HLA-DQA2: variants seen among roughly 807,000 people sequenced by gnomAD.
The protein encoded by HLA-DQA2 is HLA class II histocompatibility antigen, DQ alpha 2 chain.
In HLA-DQA2, 17 loss-of-function variants were observed where a neutral mutation model predicts 21.0. That is an observed-to-expected ratio of 0.81 (90% CI 0.56 to 1.22). The LOEUF (loss-of-function observed/expected upper bound fraction) is 1.22, where lower values mean the gene tolerates loss of function less well. Among genes scored for constraint, HLA-DQA2 ranks in the 50% most tolerant of loss-of-function variants. The pLI is 0.00. For missense variants in HLA-DQA2, 239 were observed against 308.8 expected (o/e 0.77, Z 1.69); for synonymous variants, 81 against 116.5 (o/e 0.70, Z 1.96).
At chr6:32,744,621 G>C (rs1763434137) in intron 1 of HLA-DQA2, among the ~76,000 whole-genome samples, 1 of 150,982 alleles carries the variant, frequency 6.6e-6, no homozygotes, top group African/African-American at 2.4e-5. Flanking sequence ...CCCTATAATT[G>C]TTAGAAGAAA....
At chr6:32,743,144 C>T (rs1449308098) in intron 1 of HLA-DQA2, among the ~76,000 whole-genome samples, 6 of 145,694 alleles carry the variant, frequency 4.1e-5, no homozygotes, top group African/African-American at 1.3e-4. Flanking sequence ...GGATTACAGG[C>T]GTGATCCACC....
chr6:32,745,581 T>G (rs534156426), intron 2 of HLA-DQA2, among the ~76,000 whole-genome samples, 174 bp downstream of exon 2: 1 of 138,266 alleles, frequency 7.2e-6, no homozygotes, highest in African/African-American at 2.6e-5. Flanking sequence ...CCATTATGTA[T>G]TAATTCCTAC....
rs1763658960 is a variant in HLA-DQA2, at chr6:32,747,183, C to CAAAAAACAAAAAAAAAAAA, written c.*628_*629insCAAAAAAAAAAAAAAAAAA. 1 of 126,110 alleles carries CAAAAAACAAAAAAAAAAAA rather than the reference C, an allele frequency of 7.9e-6. No homozygotes were observed. Among genetic ancestry groups the CAAAAAACAAAAAAAAAAAA allele is most frequent in the African/African-American group, 3.3e-5 (1 of 30,556 alleles). The allele number at this position is 126,110 out of a possible 1,614,324, so 7.8% of individuals were successfully genotyped here. A position where few individuals can be genotyped will look rare whatever the true frequency, so the allele number is the denominator to read the frequency against. Reference sequence around the variant, plus strand: ...GCTCAGAATGGTTATAGCAGAAATACAAAAAAAAAAAAAAAGTCTGTACTA... The same window carrying CAAAAAACAAAAAAAAAAAA: ...GCTCAGAATGGTTATAGCAGAAATACAAAAAACAAAAAAAAAAAAAAAAAAAAAAAAAAAGTCTGTACTA... On this transcript the variant is annotated 3_prime_UTR_variant, in exon 5 of 5. Coordinates refer to ENST00000374940, the MANE Select transcript of HLA-DQA2 (RefSeq NM_020056.5).
At chr6:32,743,214 C>T (rs1763337259) in intron 1 of HLA-DQA2, among the ~76,000 whole-genome samples, 1 of 152,038 alleles carries the variant, frequency 6.6e-6, no homozygotes, top group African/African-American at 2.4e-5. Context: ...CCAATACAAT[C>T]AGAAGCTGTA....
chr6:32,746,955 C>T lies in HLA-DQA2; in HGVS notation c.*394C>T, dbSNP rs9272945. ...GACTGAGAGCATAACTTAGAATGGG[C>T]GACTCTTATGTTTTAGGCCAATTTC... On this transcript the variant is annotated 3_prime_UTR_variant, in exon 5 of 5. Coordinates refer to ENST00000374940, the MANE Select transcript of HLA-DQA2 (RefSeq NM_020056.5). 157,180 of 290,516 alleles carry T rather than the reference C, an allele frequency of 0.54. 43,494 individuals carry two copies. The highest frequency in any genetic ancestry group is 0.82 in the East Asian group (10,196 of 12,414). 18.0% of individuals were successfully genotyped at this position (290,516 alleles called of 1,614,324 possible). A position where few individuals can be genotyped will look rare whatever the true frequency, so the allele number is the denominator to read the frequency against.
Position 32,741,491 on chromosome 6 carries a change from C to A in HLA-DQA2, c.48C>A (p.Ala16=), listed in dbSNP as rs144953122. 1 of 1,614,086 alleles carries A rather than the reference C, an allele frequency of 6.2e-7. No individual in the cohort carries two copies. ...ALLLGALALT[A]VMSPCGGEDI... The stretch of plus-strand genomic sequence containing the variant: ...TGCTGGGGGCCCTCGCCCTGACTGC[C>A]GTGATGAGCCCCTGTGGAGGTGAAG... Residue 16 remains alanine, a synonymous_variant, in exon 1 of 5, where the codon GCC becomes GCA. Transcript: ENST00000374940.
chr6:32,744,113 G>C (rs1172643209), intron 1 of HLA-DQA2, among the ~76,000 whole-genome samples: 1 of 152,022 alleles, frequency 6.6e-6, no homozygotes, highest in African/African-American at 2.4e-5. Flanking sequence ...CTCCCTTACC[G>C]ACCTGATTCT....
In HLA-DQA2 at chr6:32,745,999, C is replaced by G. The variant is rs150813279; in HGVS notation, c.540C>G (p.Leu180=). 74 of 1,612,944 alleles carry G rather than the reference C, an allele frequency of 4.6e-5. No individual in the cohort carries two copies. The African/African-American group carries it at 8.7e-4, about 19-fold the overall frequency. The change falls in exon 3 of 5, where the codon CTC becomes CTG. Residue 180 remains leucine (L), a synonymous_variant. Coordinates refer to ENST00000374940, the MANE Select transcript of HLA-DQA2 (RefSeq NM_020056.5). ...TCAAGATCAGTTACCTCACCTTCCTCCCTTCTGCTGATGAGATTTATGACT... is the reference window on the plus strand; with the variant it reads ...TCAAGATCAGTTACCTCACCTTCCTGCCTTCTGCTGATGAGATTTATGACT... ...SFFKISYLTF[L]PSADEIYDCK...
Position 32,746,702 on chromosome 6 carries a change from G to T in HLA-DQA2, c.*141G>T. ...TGTTTCTTCTCTCACCTCTTCTCTG[G>T]GACTTAAGGTGCTATATTCCCTCAG... On this transcript the variant is annotated 3_prime_UTR_variant, in exon 5 of 5. Transcript: ENST00000374940. The T allele has an allele frequency of 1.7e-6, 1 of 595,482 alleles. No individual in the cohort carries two copies. The highest frequency in any genetic ancestry group is 3.6e-5 in the East Asian group (1 of 27,608). The allele number at this position is 595,482 out of a possible 1,614,324, so 36.9% of individuals were successfully genotyped here. A position where few individuals can be genotyped will look rare whatever the true frequency, so the allele number is the denominator to read the frequency against.
intron 1 of HLA-DQA2, among the ~76,000 whole-genome samples, chr6:32,742,624 C>A (rs1253162778): frequency 2.6e-5 from 4 of 152,182 alleles, no homozygotes; most frequent in Admixed American, 6.5e-5. Context: ...ACCATGGCTG[C>A]TCCCATTCTG....
chr6:32,744,940 C>T (rs148982386), intron 1 of HLA-DQA2, among the ~76,000 whole-genome samples: 59 of 152,284 alleles, frequency 3.9e-4, no homozygotes, highest in Non-Finnish European at 6.8e-4. Flanking sequence ...GACGTTCTGC[C>T]TTTGTGGAGC....
chr6:32,745,787 AC>A lies in HLA-DQA2; in HGVS notation c.332-3del, dbSNP rs1368250773. The A allele has an allele frequency of 6.2e-7, 1 of 1,613,090 alleles. No homozygotes were observed. Among genetic ancestry groups the A allele is most frequent in the Non-Finnish European group, 8.5e-7 (1 of 1,180,042 alleles). On this transcript the variant is annotated splice_region_variant and splice_polypyrimidine_tract_variant and intron_variant, in intron 2 of 4. Coordinates refer to ENST00000374940, the MANE Select transcript of HLA-DQA2 (RefSeq NM_020056.5). Reference sequence around the variant, plus strand: ...TTCACATCAGTGCTGTTTCCTCACCACAGAGGTTCCTGAGGTCACAGTGTTT... The same window carrying A: ...TTCACATCAGTGCTGTTTCCTCACCAAGAGGTTCCTGAGGTCACAGTGTTT...
Position 32,745,293 on chromosome 6 carries a change from A to G in HLA-DQA2, c.217A>G (p.Met73Val), listed in dbSNP as rs200936222. ...GAAAGAGACTGTCTGGCAGTTGCCT[A>G]TGTTTAGCAAATTTATAAGTTTTGA... ...ETKETVWQLPMFSKFISFDPQ... is the reference protein window; with the variant it reads ...ETKETVWQLPVFSKFISFDPQ... The change falls in exon 2 of 5, where the codon ATG (methionine) becomes GTG (valine). Residue 73 changes from methionine to valine, a missense_variant. Physicochemically the swap from Met to Val is conservative, Grantham distance 21. Coordinates refer to ENST00000374940, the MANE Select transcript of HLA-DQA2 (RefSeq NM_020056.5). 2.6e-6 allele frequency: 4 copies of G among 1,567,120 alleles called. No individual in the cohort carries two copies. The highest frequency in any genetic ancestry group is 1.5e-5 in the African/African-American group (1 of 68,202).
At position 32,741,782 on chromosome 6, in the gene HLA-DQA2, G is replaced by A. The variant is rs552052007; in HGVS notation, c.82+257G>A. Among the ~76,000 whole-genome samples the A allele has an allele frequency of 2.6e-5, 4 of 151,736 alleles. No homozygotes were observed. In the South Asian group the frequency reaches 8.4e-4, roughly 32 times the overall value. On this transcript the variant is annotated intron_variant, in intron 1 of 4. Transcript: ENST00000374940. ...CAGAGACTATAGCCTGGAGGTCTGT[G>A]TGGCATTCCATCATGATTGCCTCAA...
rs9276417 is a variant in HLA-DQA2, at chr6:32,742,935, G to A, written c.82+1410G>A. On this transcript the variant is annotated intron_variant, in intron 1 of 4. Transcript: ENST00000374940. ...GGCTGGAGTGCAGTGGCACGATCTC[G>A]GCTCACTGCAAGCTCCGCCTCCCAG... Among the ~76,000 whole-genome samples, 1,942 of 141,868 alleles carry A rather than the reference G, an allele frequency of 0.014. 113 individuals carry two copies. In the East Asian group the frequency reaches 0.15, roughly 11 times the overall value. The allele number at this position is 141,868 out of a possible 152,430, so 93.1% of individuals were successfully genotyped here.
Position 32,746,808 on chromosome 6 carries a change from A to T in HLA-DQA2, c.*247A>T, listed in dbSNP as rs1763634647. 1 of 389,588 alleles carries T rather than the reference A, an allele frequency of 2.6e-6. No homozygotes were observed. The highest frequency in any genetic ancestry group is 5.0e-6 in the Non-Finnish European group (1 of 201,018). 24.1% of individuals were successfully genotyped at this position (389,588 alleles called of 1,614,324 possible). ...TTTCTCAAATGTTACCTACTAAGGG[A>T]TGCCTGGGTAAGCCACTCAGCTACC... On this transcript the variant is annotated 3_prime_UTR_variant, in exon 5 of 5. Transcript: ENST00000374940.
chr6:32,746,450 A>G lies in HLA-DQA2; in HGVS notation c.*20+36A>G, dbSNP rs1171393005. Reference sequence around the variant, plus strand: ...GATTTGTTGGAGCTGAAACCTCAGTATGAGAGGGAGGAAAGTGGGAGGGGG... The same window carrying G: ...GATTTGTTGGAGCTGAAACCTCAGTGTGAGAGGGAGGAAAGTGGGAGGGGG... On this transcript the variant is annotated intron_variant, in intron 4 of 4. Transcript: ENST00000374940. The G allele has an allele frequency of 1.2e-5, 18 of 1,442,686 alleles. No homozygotes were observed. The Admixed American group carries it at 2.4e-4, about 19-fold the overall frequency. The allele number at this position is 1,442,686 out of a possible 1,614,324, so 89.4% of individuals were successfully genotyped here.
At chr6:32,745,126 T>C (rs904952670) in intron 1 of HLA-DQA2, 33 bp from the exon 2 acceptor site, 9 of 1,604,940 alleles carry the variant, frequency 5.6e-6, no homozygotes, top group Non-Finnish European at 6.8e-6. Context: ...CTCCCTGTGT[T>C]CCACCCTCCT....
intron 1 of HLA-DQA2, among the ~76,000 whole-genome samples, chr6:32,744,814 A>G (rs1763448375): frequency 6.8e-6 from 1 of 147,782 alleles, no homozygotes; most frequent in Admixed American, 6.7e-5. Context: ...ATCTCTGAGT[A>G]AGAAAACTAA....
Sources: gnomAD v4.1 joint callset for allele counts (sites outside exome capture counted in the v4.1 genomes callset) on GRCh38, gnomAD v4.1.1 for gene constraint, MANE v1.5 for transcripts, NCBI Gene and HGNC (gene_info 2026-07-23, HGNC 2026-07-21) for gene names.